GRIK1: variants seen among roughly 807,000 people sequenced by gnomAD.
GRIK1 encodes glutamate receptor ionotropic, kainate 1.
Under a neutral mutation model 105.7 loss-of-function variants are expected in GRIK1, and 69 were observed. The observed-to-expected ratio is 0.65, with a 90% CI of 0.54 to 0.80. The LOEUF (loss-of-function observed/expected upper bound fraction) is 0.80, where lower values mean the gene tolerates loss of function less well. Ranked by LOEUF, GRIK1 falls within the 30% of genes least tolerant of loss-of-function variation. The pLI is 0.00. For missense variants in GRIK1, 1,109 were observed against 1,167.3 expected (o/e 0.95, Z 0.73); for synonymous variants, 438 against 431.3 (o/e 1.02, Z -0.19).
chr21:29,735,802 G>A (rs139398755), intron 1 of GRIK1, among the ~76,000 whole-genome samples: 2,376 of 145,092 alleles, frequency 0.016, 67 homozygotes, highest in African/African-American at 0.058. Context: ...GAGGCTGATC[G>A]CGCCACTGCA....
At chr21:29,787,513 T>G (rs1016001967) in intron 1 of GRIK1, among the ~76,000 whole-genome samples, 4 of 152,246 alleles carry the variant, frequency 2.6e-5, no homozygotes, top group African/African-American at 7.2e-5. Context: ...TTGGCAAGTA[T>G]AGCTCACTAA....
intron 3 of GRIK1, among the ~76,000 whole-genome samples, chr21:29,674,012 C>T (rs1015878078): frequency 9.2e-5 from 14 of 151,958 alleles, no homozygotes; most frequent in Non-Finnish European, 1.5e-4. Flanking sequence ...GTGCTCACTA[C>T]GCTGCACCTT....
chr21:29,656,388 A>AAAAAAAAAAAAAAT (rs2062853988), intron 4 of GRIK1, among the ~76,000 whole-genome samples: 1 of 148,318 alleles, frequency 6.7e-6, no homozygotes, highest in Non-Finnish European at 1.5e-5. Context: ...AAAAAAAAAA[A>AAAAAAAAAAAAAAT]AGAAATGAAG....
intron 1 of GRIK1, among the ~76,000 whole-genome samples, chr21:29,935,662 G>C (rs1046475000): frequency 6.6e-6 from 1 of 152,126 alleles, no homozygotes; most frequent in Non-Finnish European, 1.5e-5. Context: ...TGTCACTATA[G>C]ATTTCCACAC....
chr21:29,732,177 C>T (rs543620541), intron 1 of GRIK1, among the ~76,000 whole-genome samples: 1 of 152,260 alleles, frequency 6.6e-6, no homozygotes, highest in East Asian at 1.9e-4. Context: ...CCCAGTTTGC[C>T]TGAAACTCCC....
chr21:29,614,042 C>T (rs1366911778), intron 7 of GRIK1, among the ~76,000 whole-genome samples: 1 of 152,154 alleles, frequency 6.6e-6, no homozygotes, highest in African/African-American at 2.4e-5. Context: ...CCTCATAGGT[C>T]ATTCTCTGGG....
chr21:29,819,796 C>T (rs2067248897), intron 1 of GRIK1, among the ~76,000 whole-genome samples: 1 of 152,000 alleles, frequency 6.6e-6, no homozygotes, highest in Non-Finnish European at 1.5e-5. Context: ...CAAGCAAGGT[C>T]AAGGGATCAA....
intron 1 of GRIK1, among the ~76,000 whole-genome samples, chr21:29,746,260 A>C (rs1189690547): frequency 6.6e-6 from 1 of 152,238 alleles, no homozygotes; most frequent in East Asian, 1.9e-4. Flanking sequence ...TGGGTACCAC[A>C]CTTGGGCCCT....
At chr21:29,594,403 T>C (rs1477679979) in intron 9 of GRIK1, among the ~76,000 whole-genome samples, 22 of 152,232 alleles carry the variant, frequency 1.4e-4, no homozygotes, top group Admixed American at 1.4e-3. Context: ...AGTACTGTTC[T>C]ACGAACTAGG....
At chr21:29,835,408 GTTTCTTTGTCTCTGGTCTTT>G (rs1191687277) in intron 1 of GRIK1, among the ~76,000 whole-genome samples, 1 of 152,118 alleles carries the variant, frequency 6.6e-6, no homozygotes, top group Non-Finnish European at 1.5e-5. Context: ...AACTGGTCTT[GTTTCTTTGTCTCTGGTCTTT>G]TTTCTTTGTT....
At chr21:29,753,231 A>G (rs1343680413) in intron 1 of GRIK1, among the ~76,000 whole-genome samples, 1 of 152,206 alleles carries the variant, frequency 6.6e-6, no homozygotes, top group East Asian at 1.9e-4. Context: ...GCGATGAAAC[A>G]AAGGATAGTC....
intron 1 of GRIK1, among the ~76,000 whole-genome samples, chr21:29,803,604 A>G (rs2066773490): frequency 6.6e-6 from 1 of 152,114 alleles, no homozygotes; most frequent in Non-Finnish European, 1.5e-5. Flanking sequence ...TTCACTAAGT[A>G]AATGGCCCCA....
At chr21:29,722,214 G>A (rs957621407) in intron 1 of GRIK1, among the ~76,000 whole-genome samples, 1 of 152,068 alleles carries the variant, frequency 6.6e-6, no homozygotes, top group African/African-American at 2.4e-5. Flanking sequence ...CATTGATCAA[G>A]GCAGAGATGA....
At chr21:29,567,308 C>T (rs1021349522) in intron 14 of GRIK1, among the ~76,000 whole-genome samples, 3 of 152,196 alleles carry the variant, frequency 2.0e-5, no homozygotes, top group Admixed American at 1.3e-4. Flanking sequence ...TATAAAATAT[C>T]CCTCTAATGT....
At position 29,686,857 on chromosome 21, in the gene GRIK1, C is replaced by A. The variant is rs186899762; in HGVS notation, c.544+2871G>T. Among the ~76,000 whole-genome samples the A allele has an allele frequency of 1.1e-3, 165 of 152,286 alleles. 2 individuals are homozygous for A. The Middle Eastern group carries it at 0.014, about 13-fold the overall frequency. On this transcript the variant is annotated intron_variant, in intron 3 of 17. Coordinates refer to ENST00000327783, the MANE Select transcript of GRIK1 (RefSeq NM_001330994.2). Reference sequence around the variant, plus strand: ...GCAGTTGAGGCTCAGCTTCTCAGCTCTTTTTGCTGTATGTGAAGTGATAGC... The same window carrying A: ...GCAGTTGAGGCTCAGCTTCTCAGCTATTTTTGCTGTATGTGAAGTGATAGC...
chr21:29,549,126 C>T (rs2090089879), intron 16 of GRIK1, among the ~76,000 whole-genome samples: 1 of 152,160 alleles, frequency 6.6e-6, no homozygotes, highest in South Asian at 2.1e-4. Flanking sequence ...CACTACCAGC[C>T]ACTTGTTCAA....
intron 1 of GRIK1, among the ~76,000 whole-genome samples, chr21:29,822,469 C>T (rs1322787056): frequency 2.0e-5 from 3 of 152,026 alleles, no homozygotes; most frequent in East Asian, 3.9e-4. Context: ...TTTTTGAAAA[C>T]AAAACCCATA....
intron 3 of GRIK1, among the ~76,000 whole-genome samples, chr21:29,673,452 A>G (rs920139484): frequency 1.3e-5 from 2 of 152,220 alleles, no homozygotes; most frequent in Non-Finnish European, 2.9e-5. Context: ...CATCTTTAAC[A>G]AATCAAGCCT....
In GRIK1 at chr21:29,769,144, G is replaced by A. The variant is rs898414108; in HGVS notation, c.119-75081C>T. ...GGCTACTAGTAGGTGTTTGTTATAG[G>A]TAGAATTGTGACAAGCAAAAAAAGA... is the stretch of plus-strand genomic sequence containing the variant. On this transcript the variant is annotated intron_variant, in intron 1 of 17. Transcript: ENST00000327783. Among the ~76,000 whole-genome samples, 4 of 152,202 alleles carry A rather than the reference G, an allele frequency of 2.6e-5. No homozygotes were observed. The East Asian group carries it at 7.7e-4, about 29-fold the overall frequency.
Sources: allele counts gnomAD v4.1 joint callset (sites outside exome capture counted in the v4.1 genomes callset), GRCh38; gene constraint gnomAD v4.1.1; transcripts MANE v1.5; gene names NCBI Gene and HGNC (gene_info 2026-07-23, HGNC 2026-07-21).